The following SLC6A13 variants were observed in gnomAD, a reference collection of about 807,000 sequenced individuals.
SLC6A13 encodes sodium- and chloride-dependent GABA transporter 2.
Under a neutral mutation model 72.9 loss-of-function variants are expected in SLC6A13, and 69 were observed. The ratio of observed to expected loss-of-function variants is 0.95; its 90% CI spans 0.78 to 1.16. SLC6A13 has a LOEUF of 1.16. Among genes scored for constraint, SLC6A13 ranks in the 50% most tolerant of loss-of-function variants. SLC6A13 has a pLI of 0.00. For missense variants in SLC6A13, 735 were observed against 760.5 expected (o/e 0.97, Z 0.39); for synonymous variants, 303 against 303.0 (o/e 1.00, Z 0.00).
intron 9 of SLC6A13, among the ~76,000 whole-genome samples, chr12:225,774 A>G (rs935023002): frequency 6.6e-6 from 1 of 152,186 alleles, no homozygotes; most frequent in Non-Finnish European, 1.5e-5. Context: ...CTGAATGCCA[A>G]GGTAAAAAAA....
intron 8 of SLC6A13, chr12:226,845 C>T (rs1411653081): frequency 4.2e-5 from 9 of 214,598 alleles, no homozygotes; most frequent in Admixed American, 5.2e-5. Context: ...CCGCATGGGA[C>T]GCCACCACTC....
At chr12:245,874 T>C (rs1367300382) in intron 2 of SLC6A13, among the ~76,000 whole-genome samples, 5 of 151,308 alleles carry the variant, frequency 3.3e-5, no homozygotes, top group Admixed American at 2.0e-4. Flanking sequence ...TCCCAGCACT[T>C]TGGGAGGCTG....
intron 4 of SLC6A13, among the ~76,000 whole-genome samples, chr12:241,487 G>A (rs992419427): frequency 3.3e-5 from 5 of 152,110 alleles, no homozygotes; most frequent in African/African-American, 9.7e-5. Flanking sequence ...GGGCAGCCAC[G>A]AGCCACCTGT....
intron 8 of SLC6A13, 68 bp downstream of exon 8, chr12:227,497 G>T: frequency 1.9e-6 from 3 of 1,603,260 alleles, no homozygotes; most frequent in South Asian, 2.2e-5. Context: ...ACTCACCCTC[G>T]TCTAGCGTGG....
intron 2 of SLC6A13, among the ~76,000 whole-genome samples, chr12:247,571 G>C (rs903044209): frequency 1.3e-5 from 2 of 152,164 alleles, no homozygotes; most frequent in Middle Eastern, 3.2e-3. Context: ...ACCACAAGTA[G>C]AACTGAACTA....
At chr12:234,604 G>A (rs901495233) in intron 7 of SLC6A13, among the ~76,000 whole-genome samples, 6 of 151,920 alleles carry the variant, frequency 3.9e-5, no homozygotes, top group African/African-American at 1.2e-4. Flanking sequence ...TGCAACCTTC[G>A]CCTCCTGGGT....
intron 6 of SLC6A13, 167 bp downstream of exon 6, chr12:236,991 G>A (rs1446646999): frequency 1.4e-6 from 1 of 699,130 alleles, no homozygotes; most frequent in Non-Finnish European, 2.4e-6. Context: ...CCAGAAGTAT[G>A]TGAGTCTAGG....
chr12:233,135 C>G (rs1008376265), intron 7 of SLC6A13, among the ~76,000 whole-genome samples: 8 of 152,224 alleles, frequency 5.3e-5, no homozygotes, highest in African/African-American at 1.9e-4. Flanking sequence ...TGGAGAGACT[C>G]CAGCAACAAG....
Position 220,792 on chromosome 12 carries a change from G to A in SLC6A13, c.*156C>T, listed in dbSNP as rs1941170309. The A allele has an allele frequency of 1.5e-5, 12 of 817,886 alleles. No individual in the cohort carries two copies. The South Asian group carries it at 2.1e-4, about 14-fold the overall frequency. 50.7% of individuals were successfully genotyped at this position (817,886 alleles called of 1,614,324 possible). On this transcript the variant is annotated 3_prime_UTR_variant, in exon 15 of 15. Coordinates refer to ENST00000343164, the MANE Select transcript of SLC6A13 (RefSeq NM_016615.5). Reference sequence around the variant, plus strand: ...ACCCCTGAGCTGAAAAGTTGCAGTGGGAGGCCTCCAGCTCAGCAGGTGGAC... The same window carrying A: ...ACCCCTGAGCTGAAAAGTTGCAGTGAGAGGCCTCCAGCTCAGCAGGTGGAC...
Position 259,905 on chromosome 12 carries a change from T to C in SLC6A13, c.148A>G (p.Ile50Val), listed in dbSNP as rs1237239122. The C allele has an allele frequency of 1.2e-6, 2 of 1,614,186 alleles. No individual in the cohort carries two copies. Among genetic ancestry groups the C allele is most frequent in the South Asian group, 1.1e-5 (1 of 91,090 alleles). Residue 50 changes from isoleucine to valine, a missense_variant, in exon 2 of 15, where the codon ATT (isoleucine) becomes GTT (valine). By Grantham distance (29) the Ile-to-Val change is conservative. Coordinates refer to ENST00000343164, the MANE Select transcript of SLC6A13 (RefSeq NM_016615.5). ...AACCTCCAGACGTTGCCTAAGCCAA[T>C]GATCTCCCCAGCCACTGACAGCACA... ...EFVLSVAGEIIGLGNVWRFPY... is the reference protein window; with the variant it reads ...EFVLSVAGEIVGLGNVWRFPY...
chr12:252,076 A>T (rs1366009187), intron 2 of SLC6A13, among the ~76,000 whole-genome samples: 1 of 152,248 alleles, frequency 6.6e-6, no homozygotes, highest in African/African-American at 2.4e-5. Context: ...ATATGAAGAT[A>T]CCTCGATAAC....
intron 5 of SLC6A13, among the ~76,000 whole-genome samples, chr12:237,574 G>A (rs1305597702): frequency 6.6e-6 from 1 of 151,556 alleles, no homozygotes; most frequent in South Asian, 2.1e-4. Flanking sequence ...TTGACAGCAG[G>A]ACTCTTGCCC....
At chr12:237,687 T>TCTCTAACA in intron 5 of SLC6A13, among the ~76,000 whole-genome samples, 1 of 151,712 alleles carries the variant, frequency 6.6e-6, no homozygotes, top group African/African-American at 2.4e-5. Flanking sequence ...GCACACACAC[T>TCTCTAACA]CTCTAACACG....
At chr12:246,132 AAAATAAAT>A (rs71045049) in intron 2 of SLC6A13, among the ~76,000 whole-genome samples, 2 of 146,902 alleles carry the variant, frequency 1.4e-5, no homozygotes, top group African/African-American at 5.1e-5. Context: ...AATAAAAGTA[AAAATAAAT>A]AAATAAATAA....
At position 221,387 on chromosome 12, in the gene SLC6A13, G is replaced by C. The variant is rs753279678; in HGVS notation, c.1675C>G (p.Pro559Ala). ...CGCAAAGGCCCTACCTCTCTGAAGG[G>C]GCCCTTGAGGGTTCCGAGTCTGTAG... ...SLYRLGTLKG[P>A]FRERIRQLMC... Residue 559 changes from proline (P) to alanine (A), a missense_variant, in exon 14 of 15, where the codon CCC (proline) becomes GCC (alanine). Physicochemically the swap from Pro to Ala is conservative, Grantham distance 27 (BLOSUM62 -1). Transcript: ENST00000343164. 6.3e-7 allele frequency: 1 copy of C among 1,599,890 alleles called. No homozygotes were observed. Among genetic ancestry groups the C allele is most frequent in the Non-Finnish European group, 8.5e-7 (1 of 1,173,330 alleles).
chr12:232,638 G>A lies in SLC6A13; in HGVS notation c.831+2452C>T, dbSNP rs186712986. ...TACAGTTTGGCTCCAAAGCCTGACC[G>A]CTGCCCTCGTACCCTGCGTGGACAT... On this transcript the variant is annotated intron_variant, in intron 7 of 14. Transcript: ENST00000343164. Among the ~76,000 whole-genome samples, 27 of 152,312 alleles carry A rather than the reference G, an allele frequency of 1.8e-4. No individual in the cohort carries two copies. The East Asian group carries it at 2.7e-3, about 15-fold the overall frequency.
At chr12:237,839 C>T in intron 5 of SLC6A13, 87 bp downstream of exon 5, 1 of 974,388 alleles carries the variant, frequency 1.0e-6, no homozygotes, top group Non-Finnish European at 1.6e-6. Flanking sequence ...CCTTGCTGTC[C>T]ATTGAGAGTG....
chr12:242,745 T>C lies in SLC6A13; in HGVS notation c.347A>G (p.Tyr116Cys), dbSNP rs1431939485. ...KICPIFEGIG[Y>C]ASQMIVILLN... ...GAGGATGACGATCATCTGGGAGGCATAGCCAATGCCTGCGGGGAAACTGCA... is the reference window on the plus strand; with the variant it reads ...GAGGATGACGATCATCTGGGAGGCACAGCCAATGCCTGCGGGGAAACTGCA... Residue 116 changes from tyrosine (Y) to cysteine (C), a missense_variant, in exon 4 of 15, where the codon TAT becomes TGT. Transcript: ENST00000343164. The C allele has an allele frequency of 8.2e-6, 13 of 1,586,350 alleles. No individual in the cohort carries two copies. The highest frequency in any genetic ancestry group is 5.7e-5 in the South Asian group (5 of 87,082).
At position 262,804 on chromosome 12, in the gene SLC6A13, G is replaced by A. The variant is rs775039250; in HGVS notation, c.-21C>T. ...CATTTCGAACCTTAGTGAAGCTGCT[G>A]CCAGAGGTCCAGTCAGGGGAGAAGA... On this transcript the variant is annotated 5_prime_UTR_variant, in exon 1 of 15. Coordinates refer to ENST00000343164, the MANE Select transcript of SLC6A13 (RefSeq NM_016615.5). 5 of 485,364 alleles carry A rather than the reference G, an allele frequency of 1.0e-5. No homozygotes were observed. The highest frequency in any genetic ancestry group is 2.1e-5 in the African/African-American group (1 of 47,714). 30.1% of individuals were successfully genotyped at this position (485,364 alleles called of 1,614,324 possible). A position where few individuals can be genotyped will look rare whatever the true frequency, so the allele number is the denominator to read the frequency against.
Sources: allele counts gnomAD v4.1 joint callset (sites outside exome capture counted in the v4.1 genomes callset), GRCh38; gene constraint gnomAD v4.1.1; transcripts MANE v1.5; gene names NCBI Gene and HGNC (gene_info 2026-07-23, HGNC 2026-07-21).